The following CNPY2 variants were observed in gnomAD, a reference collection of about 807,000 sequenced individuals.
CNPY2 encodes the protein canopy FGF signaling regulator 2, also known as protein canopy homolog 2.
Under a neutral mutation model 25.5 loss-of-function variants are expected in CNPY2, and 19 were observed. The observed-to-expected ratio is 0.74, with a 90% CI of 0.52 to 1.09. The LOEUF is 1.09. CNPY2 is among the 50% of genes least tolerant of loss of function. The pLI, the probability that CNPY2 is intolerant of heterozygous loss-of-function variation, is 0.00. For synonymous variants in CNPY2, 82 were observed against 85.0 expected, an observed-to-expected ratio of 0.96 and a Z score of 0.19; for missense variants, 214 against 233.6, an observed-to-expected ratio of 0.92 and a Z score of 0.55.
At chr12:56,311,768 T>A (rs576082866) in intron 3 of CNPY2, 3 of 347,576 alleles carry the variant, frequency 8.6e-6, no homozygotes, top group African/African-American at 6.4e-5. Context: ...GTCGGGCTGG[T>A]CTCAAACTCC....
At chr12:56,310,697 C>T in intron 5 of CNPY2, 102 bp from the exon 6 acceptor site, 1 of 1,169,618 alleles carries the variant, frequency 8.5e-7, no homozygotes, top group Non-Finnish European at 1.3e-6. Context: ...CACACACCAA[C>T]CACCATTCTG....
intron 3 of CNPY2, among the ~76,000 whole-genome samples, chr12:56,312,083 C>T (rs865976573): frequency 4.9e-4 from 75 of 151,936 alleles, no homozygotes; most frequent in Admixed American, 1.6e-3. Flanking sequence ...TTTCACCGTG[C>T]TAGCCAGGAT....
chr12:56,311,104 TGCCTTC>T, intron 4 of CNPY2, 50 bp from the exon 5 acceptor site: 1 of 1,605,852 alleles, frequency 6.2e-7, no homozygotes, highest in Non-Finnish European at 8.5e-7. Flanking sequence ...AGAGGCCTCT[TGCCTTC>T]ACTTCCAAAG....
intron 3 of CNPY2, among the ~76,000 whole-genome samples, chr12:56,312,170 G>C (rs1330372061): frequency 6.6e-6 from 1 of 150,786 alleles, no homozygotes; most frequent in Non-Finnish European, 1.5e-5. Context: ...GAGCCACCGC[G>C]CCCGGCCTGG....
At chr12:56,316,159 A>C (rs939026595), upstream of CNPY2, 4 of 152,706 alleles carry the variant, frequency 2.6e-5, no homozygotes, top group Admixed American at 2.0e-4. Flanking sequence ...CGAAGGACCC[A>C]GACTTGCGTG....
At position 56,315,396 on chromosome 12, in the gene CNPY2, C is replaced by A. The variant is rs566658600; in HGVS notation, c.-25-154G>T. Among the ~76,000 whole-genome samples, 22 of 152,364 alleles carry A rather than the reference C, an allele frequency of 1.4e-4. 1 individual carries two copies. In the East Asian group the frequency reaches 4.2e-3, roughly 29 times the overall value. ...CGGGACACAAAGGGGCTTCTCTGTT[C>A]CAGCGCTTGAGGGCTCTGATTCCCC... On this transcript the variant is annotated intron_variant, in intron 1 of 5. Transcript: ENST00000273308.
intron 3 of CNPY2, chr12:56,311,854 G>A (rs975938671): frequency 6.0e-6 from 1 of 167,862 alleles, no homozygotes; most frequent in African/African-American, 2.4e-5. Flanking sequence ...GCCTGGCCTA[G>A]TGTGGTTTTC....
At chr12:56,314,537 C>G (rs576393134) in intron 3 of CNPY2, 69 of 1,180,190 alleles carry the variant, frequency 5.8e-5, no homozygotes, top group Non-Finnish European at 7.2e-5. Context: ...AGCTCCGACT[C>G]AGATTTTGAA....
Position 56,310,998 on chromosome 12 carries a change from C to T in CNPY2, c.465G>A (p.Glu155=), listed in dbSNP as rs1321513256. Residue 155 remains glutamate (E), a synonymous_variant, in exon 5 of 6, where the codon GAG becomes GAA. Coordinates refer to ENST00000273308, the MANE Select transcript of CNPY2 (RefSeq NM_014255.7). The part of the protein sequence containing the change: ...EDELIEFFSR[E]ADNVKDKLCS... ...AAAGTTTGTCTTTAACATTGTCAGCCTCTCGGGAAAAGAATTCAATGAGTT... is the reference window on the plus strand; with the variant it reads ...AAAGTTTGTCTTTAACATTGTCAGCTTCTCGGGAAAAGAATTCAATGAGTT... 11 of 1,614,178 alleles carry T rather than the reference C, an allele frequency of 6.8e-6. No homozygotes were observed. The highest frequency in any genetic ancestry group is 1.1e-5 in the South Asian group (1 of 91,086).
At chr12:56,312,219 C>CTTTTTTTTT (rs1873739981) in intron 3 of CNPY2, among the ~76,000 whole-genome samples, 1 of 72,622 alleles carries the variant, frequency 1.4e-5, no homozygotes, top group African/African-American at 4.5e-5. Flanking sequence ...TTTCAAAGTA[C>CTTTTTTTTT]TTCTTTTTTT....
chr12:56,310,903 G>C (rs543345386), intron 5 of CNPY2, 55 bp downstream of exon 5: 2 of 1,493,838 alleles, frequency 1.3e-6, no homozygotes, highest in Admixed American at 1.7e-5. Context: ...GTGAGTTAGG[G>C]AATGTCAGGT....
chr12:56,310,419 A>G lies in CNPY2; in HGVS notation c.*133T>C. ...TAAGGGCAATTCCAGGCATGAAAAG[A>G]CAACACAGTTTGTACTTTTGGTTTC... is the stretch of plus-strand genomic sequence containing the variant. On this transcript the variant is annotated 3_prime_UTR_variant, in exon 6 of 6. Coordinates refer to ENST00000273308, the MANE Select transcript of CNPY2 (RefSeq NM_014255.7). 1.2e-6 allele frequency: 1 copy of G among 859,506 alleles called. No homozygotes were observed. The highest frequency in any genetic ancestry group is 1.5e-5 in the South Asian group (1 of 68,528). The allele number at this position is 859,506 out of a possible 1,614,324, so 53.2% of individuals were successfully genotyped here.
chr12:56,313,698 C>T (rs1387993773), intron 3 of CNPY2, among the ~76,000 whole-genome samples: 27 of 150,548 alleles, frequency 1.8e-4, no homozygotes, highest in Non-Finnish European at 1.0e-4. Flanking sequence ...CTCTGCCTCC[C>T]GAGTTCACGC....
rs540760238 is a variant in CNPY2, at chr12:56,312,129, T to C, written c.205-715A>G. Among the ~76,000 whole-genome samples the C allele has an allele frequency of 2.6e-5, 4 of 152,046 alleles. No individual in the cohort carries two copies. The East Asian group carries it at 7.7e-4, about 29-fold the overall frequency. The stretch of plus-strand genomic sequence containing the variant: ...TCCTGACCTAGTGATCCGCCCACCT[T>C]GGCCTCCCCAGGTGCTGGGATTACA... On this transcript the variant is annotated intron_variant, in intron 3 of 5. Transcript: ENST00000273308.
rs145953285 is a variant in CNPY2 at position 56,311,406 on chromosome 12, A to C, written c.213T>G (p.Tyr71Ter). The change falls in exon 4 of 6, where the codon TAT (tyrosine) becomes TAG (stop). Residue 71 changes from tyrosine (Y) to a stop codon, truncating the protein, a stop_gained. Coordinates refer to ENST00000273308, the MANE Select transcript of CNPY2 (RefSeq NM_014255.7). LOFTEE classifies it high-confidence loss of function. ...CTGTGAGGTGGGCCTCTGAGCGGGC[A>C]TAAGGCACCTAGAAATGTCCTCAGC... ...DGSQSVVEVPYARSEAHLTEL... is the reference protein window; with the variant it reads ...DGSQSVVEVP 1 of 1,614,078 alleles carries C rather than the reference A, an allele frequency of 6.2e-7. No individual in the cohort carries two copies. Among genetic ancestry groups the C allele is most frequent in the Non-Finnish European group, 8.5e-7 (1 of 1,180,048 alleles).
chr12:56,315,434 T>TGG (rs959434823), intron 1 of CNPY2, among the ~76,000 whole-genome samples, 192 bp from the exon 2 acceptor site: 2 of 152,222 alleles, frequency 1.3e-5, no homozygotes, highest in African/African-American at 4.8e-5. Context: ...GGGTGGTGGG[T>TGG]GGGAGCGCGA....
rs1329981547 is a variant in CNPY2 at position 56,310,007 on chromosome 12, T to C, written c.*545A>G. ...TCACATCCATTTTCCCCTTCCTGTC[T>C]CTGTTCTTGCTGGTCCCTCCATCTG... On this transcript the variant is annotated 3_prime_UTR_variant, in exon 6 of 6. Coordinates refer to ENST00000273308, the MANE Select transcript of CNPY2 (RefSeq NM_014255.7). The C allele has an allele frequency of 1.4e-6, 1 of 702,238 alleles. No individual in the cohort carries two copies. Among genetic ancestry groups the C allele is most frequent in the Non-Finnish European group, 2.6e-6 (1 of 384,758 alleles). 43.5% of individuals were successfully genotyped at this position (702,238 alleles called of 1,614,324 possible). A position where few individuals can be genotyped will look rare whatever the true frequency, so the allele number is the denominator to read the frequency against.
rs1351133239 is a variant in CNPY2 at position 56,310,509 on chromosome 12, C to T, written c.*43G>A. 2 of 1,605,642 alleles carry T rather than the reference C, an allele frequency of 1.2e-6. No homozygotes were observed. Among genetic ancestry groups the T allele is most frequent in the Admixed American group, 3.3e-5 (2 of 60,004 alleles). On this transcript the variant is annotated 3_prime_UTR_variant, in exon 6 of 6. Transcript: ENST00000273308. ...AAAGGCATTGCCACCATTTTCCCCTCCTGGGGGTGATCCATCAAGCCAGTG... is the reference window on the plus strand; with the variant it reads ...AAAGGCATTGCCACCATTTTCCCCTTCTGGGGGTGATCCATCAAGCCAGTG...
At position 56,310,542 on chromosome 12, in the gene CNPY2, CTCCAGTGG is replaced by C; in HGVS notation, c.*2_*9del. 6.2e-7 allele frequency: 1 copy of C among 1,614,108 alleles called. No individual in the cohort carries two copies. Among genetic ancestry groups the C allele is most frequent in the South Asian group, 1.1e-5 (1 of 91,086 alleles). ...TGATCCATCAAGCCAGTGTGGGCTG[CTCCAGTGG>C]TTCATAGCTCATCATGCGATATGTG... On this transcript the variant is annotated 3_prime_UTR_variant, in exon 6 of 6. Transcript: ENST00000273308.
Sources: allele counts gnomAD v4.1 joint callset (sites outside exome capture counted in the v4.1 genomes callset), GRCh38; gene constraint gnomAD v4.1.1; transcripts MANE v1.5; gene names NCBI Gene and HGNC (gene_info 2026-07-23, HGNC 2026-07-21).